SDK1: variants seen among roughly 807,000 people sequenced by gnomAD.
The protein encoded by SDK1 is protein sidekick-1.
SDK1 carries 157 observed loss-of-function variants against 245.5 expected under a neutral mutation model. That is an observed-to-expected ratio of 0.64 (90% CI 0.56 to 0.73). SDK1 has a LOEUF of 0.73. Among genes scored for constraint, SDK1 ranks in the 30% least tolerant of loss-of-function variants. The pLI, the probability that SDK1 is intolerant of heterozygous loss-of-function variation, is 0.00. For synonymous variants in SDK1, 1,647 were observed against 1,278.5 expected (o/e 1.29, Z -6.15); for missense variants, 3,583 against 3,002.3 (o/e 1.19, Z -4.52).
intron 4 of SDK1, among the ~76,000 whole-genome samples, chr7:3,644,718 A>C (rs1782766271): frequency 7.2e-6 from 1 of 138,234 alleles, no homozygotes; most frequent in African/African-American, 2.7e-5. Flanking sequence ...GGTTGCAGTG[A>C]GCTACGATGG....
At chr7:3,876,433 A>C (rs892545185) in intron 5 of SDK1, among the ~76,000 whole-genome samples, 3 of 152,140 alleles carry the variant, frequency 2.0e-5, no homozygotes, top group Non-Finnish European at 4.4e-5. Flanking sequence ...ACCTCAATAT[A>C]AACTAAGCCA....
At chr7:3,378,824 C>G (rs7782421) in intron 1 of SDK1, among the ~76,000 whole-genome samples, 20,133 of 147,264 alleles carry the variant, frequency 0.14, 1,719 homozygotes, top group African/African-American at 0.24. Context: ...GGGGGGCCGG[C>G]GGGGTGGGCT....
intron 1 of SDK1, among the ~76,000 whole-genome samples, chr7:3,444,261 T>A (rs1370414562): frequency 6.6e-6 from 1 of 152,232 alleles, no homozygotes; most frequent in African/African-American, 2.4e-5. Context: ...AGTATTTATG[T>A]CTGCCTGCTA....
chr7:3,557,175 T>C (rs1161712755), intron 1 of SDK1, among the ~76,000 whole-genome samples: 1 of 151,998 alleles, frequency 6.6e-6, no homozygotes, highest in East Asian at 1.9e-4. Flanking sequence ...ACCTGGTCCT[T>C]TAAAAACTTT....
intron 1 of SDK1, among the ~76,000 whole-genome samples, chr7:3,540,037 T>G (rs1039331498): frequency 2.0e-5 from 3 of 152,216 alleles, no homozygotes; most frequent in African/African-American, 2.4e-5. Flanking sequence ...TTTATGATAT[T>G]TTGAGTCACA....
intron 4 of SDK1, among the ~76,000 whole-genome samples, chr7:3,768,769 T>C (rs1562429526): frequency 6.6e-6 from 1 of 152,224 alleles, no homozygotes; most frequent in Non-Finnish European, 1.5e-5. Flanking sequence ...TCACACTTTC[T>C]GAAACTCCCA....
chr7:3,496,383 A>G (rs893268397), intron 1 of SDK1, among the ~76,000 whole-genome samples: 1 of 151,400 alleles, frequency 6.6e-6, no homozygotes, highest in Admixed American at 6.6e-5. Flanking sequence ...GAATAAAGCC[A>G]TTTTATCTTC....
At chr7:3,659,788 G>C (rs997522882) in intron 4 of SDK1, among the ~76,000 whole-genome samples, 1 of 152,228 alleles carries the variant, frequency 6.6e-6, no homozygotes. Context: ...CGGCAAGGGG[G>C]ACTGGCAGCC....
chr7:3,941,060 A>AC (rs1268280685), intron 5 of SDK1, among the ~76,000 whole-genome samples: 5 of 151,202 alleles, frequency 3.3e-5, no homozygotes, highest in African/African-American at 1.2e-4. Context: ...CCACTCCCAG[A>AC]CCCCCGTCTG....
At chr7:3,719,092 C>A (rs533908018) in intron 4 of SDK1, among the ~76,000 whole-genome samples, 7 of 152,194 alleles carry the variant, frequency 4.6e-5, no homozygotes, top group African/African-American at 1.4e-4. Context: ...ATACCCAAAT[C>A]TATATTATAG....
chr7:3,422,932 T>C (rs905676905), intron 1 of SDK1, among the ~76,000 whole-genome samples: 1 of 152,218 alleles, frequency 6.6e-6, no homozygotes, highest in Non-Finnish European at 1.5e-5. Flanking sequence ...CATTTTACCC[T>C]GTATATCAGA....
chr7:3,309,349 A>G (rs1334555999), intron 1 of SDK1, among the ~76,000 whole-genome samples: 1 of 150,520 alleles, frequency 6.6e-6, no homozygotes, highest in Non-Finnish European at 1.5e-5. Flanking sequence ...ATAGGATATA[A>G]TCTGTGGTTT....
intron 34 of SDK1, among the ~76,000 whole-genome samples, chr7:4,177,144 T>C (rs904554386): frequency 7.9e-5 from 12 of 152,212 alleles, no homozygotes; most frequent in Admixed American, 2.0e-4. Flanking sequence ...CTCCATAGCA[T>C]GGGTGGACCC....
At chr7:3,811,930 T>G (rs2115048379) in intron 4 of SDK1, among the ~76,000 whole-genome samples, 1 of 152,366 alleles carries the variant, frequency 6.6e-6, no homozygotes, top group Admixed American at 6.5e-5. Context: ...TGGTTGGACC[T>G]GCGTGCTTTG....
At chr7:4,054,330 C>T (rs1385976472) in intron 19 of SDK1, among the ~76,000 whole-genome samples, 4 of 152,220 alleles carry the variant, frequency 2.6e-5, no homozygotes, top group Non-Finnish European at 4.4e-5. Context: ...AGCCCAGTTT[C>T]TGCCAAGCTG....
At chr7:3,659,621 C>T (rs138310355) in intron 4 of SDK1, among the ~76,000 whole-genome samples, 113 of 152,184 alleles carry the variant, frequency 7.4e-4, no homozygotes, top group African/African-American at 2.4e-3. Context: ...TCTGTGGAAA[C>T]GAGTGAATTT....
intron 17 of SDK1, among the ~76,000 whole-genome samples, chr7:4,046,327 C>T (rs1204318400): frequency 6.6e-6 from 1 of 152,084 alleles, no homozygotes; most frequent in African/African-American, 2.4e-5. Flanking sequence ...ATGAAGTCAG[C>T]TTTATTCATT....
At chr7:4,214,637 G>T (rs1316836967) in intron 38 of SDK1, among the ~76,000 whole-genome samples, 1 of 151,672 alleles carries the variant, frequency 6.6e-6, no homozygotes, top group African/African-American at 2.4e-5. Flanking sequence ...GGAAGAACAA[G>T]CCATGCAGAC....
intron 41 of SDK1, 73 bp downstream of exon 41, chr7:4,233,492 G>C: frequency 6.9e-7 from 1 of 1,455,968 alleles, no homozygotes; most frequent in East Asian, 2.3e-5. Context: ...GGGACCCAGG[G>C]AGGTCTGTCT....
Sources: gnomAD v4.1 joint callset for allele counts (sites outside exome capture counted in the v4.1 genomes callset) on GRCh38, gnomAD v4.1.1 for gene constraint, MANE v1.5 for transcripts, NCBI Gene and HGNC (gene_info 2026-07-23, HGNC 2026-07-21) for gene names.